Variants in TRANK1 observed in about 807,000 individuals in gnomAD.
The protein encoded by TRANK1 is tetratricopeptide repeat and ankyrin repeat containing 1, also known as TPR and ankyrin repeat-containing protein 1.
Under a neutral mutation model 266.0 loss-of-function variants are expected in TRANK1, and 198 were observed. That is an observed-to-expected ratio of 0.74 (90% CI 0.66 to 0.84). The LOEUF (loss-of-function observed/expected upper bound fraction) is 0.84. TRANK1 is among the 40% of genes least tolerant of loss of function. The pLI is 0.00. For synonymous variants in TRANK1, 1,396 were observed against 1,384.1 expected, an observed-to-expected ratio of 1.01 and a Z score of -0.19; for missense variants, 3,326 against 3,634.6, an observed-to-expected ratio of 0.92 and a Z score of 2.18.
chr3:36,850,194 T>C (rs2078968364), intron 15 of TRANK1: 5 of 985,288 alleles, frequency 5.1e-6, no homozygotes, highest in Admixed American at 6.2e-5. Context: ...CCATGACCGA[T>C]GGATGTATCA....
chr3:36,833,184 G>T lies in TRANK1; in HGVS notation c.6399C>A (p.Asp2133Glu). The T allele has an allele frequency of 6.2e-7, 1 of 1,613,856 alleles. No homozygotes were observed. Among genetic ancestry groups the T allele is most frequent in the Non-Finnish European group, 8.5e-7 (1 of 1,179,864 alleles). ...AAATTATTCTTAATATGGGCCCAGGGTCATTCTGAGCTATCTGGCAATACT... is the reference window on the plus strand; with the variant it reads ...AAATTATTCTTAATATGGGCCCAGGTTCATTCTGAGCTATCTGGCAATACT... ...DAKYCQIAQNDPGPILRIIFD... is the reference protein window; with the variant it reads ...DAKYCQIAQNEPGPILRIIFD... Residue 2133 changes from aspartate to glutamate, a missense_variant, in exon 22 of 24, where the codon GAC (aspartate) becomes GAA (glutamate). Transcript: ENST00000645898.
chr3:36,908,694 C>A lies in TRANK1; in HGVS notation c.24-240G>T. ...GGCCAGACCAATTCCATTTATTCAG[C>A]ATTAATGATCTGGAGGAGGCTGCTT... is the stretch of plus-strand genomic sequence containing the variant. On this transcript the variant is annotated intron_variant, in intron 1 of 23. Coordinates refer to ENST00000645898, the MANE Select transcript of TRANK1 (RefSeq NM_001329998.2). 2 of 929,646 alleles carry A rather than the reference C, an allele frequency of 2.2e-6. 1 individual carries two copies. The highest frequency in any genetic ancestry group is 9.9e-5 in the South Asian group (2 of 20,164). 57.6% of individuals were successfully genotyped at this position (929,646 alleles called of 1,614,324 possible).
At chr3:36,938,720 A>G (rs1237816391) in intron 1 of TRANK1, among the ~76,000 whole-genome samples, 1 of 152,002 alleles carries the variant, frequency 6.6e-6, no homozygotes, top group East Asian at 1.9e-4. Flanking sequence ...GCACTCTGGG[A>G]GGCCGAGGTG....
chr3:36,834,758 C>A lies in TRANK1; in HGVS notation c.5663+4G>T. 1 of 1,608,570 alleles carries A rather than the reference C, an allele frequency of 6.2e-7. No homozygotes were observed. The highest frequency in any genetic ancestry group is 8.5e-7 in the Non-Finnish European group (1 of 1,178,140). ...GGAGAAAGGGAGAGAATAAAACCAC[C>A]TACTTTTCCACTGCAATAGCAGCTT... On this transcript the variant is annotated splice_donor_region_variant and intron_variant, in intron 21 of 23. Coordinates refer to ENST00000645898, the MANE Select transcript of TRANK1 (RefSeq NM_001329998.2).
Position 36,945,031 on chromosome 3 carries a change from G to T in TRANK1, c.-222C>A. 1 of 471,940 alleles carries T rather than the reference G, an allele frequency of 2.1e-6. No homozygotes were observed. 29.2% of individuals were successfully genotyped at this position (471,940 alleles called of 1,614,324 possible). ...GACGCAGGAACCCCGGCGTCCGGGC[G>T]GTGTGCAGCCGCAGACCTATTCCAA... On this transcript the variant is annotated 5_prime_UTR_variant, in exon 1 of 24. Coordinates refer to ENST00000645898, the MANE Select transcript of TRANK1 (RefSeq NM_001329998.2).
intron 2 of TRANK1, among the ~76,000 whole-genome samples, chr3:36,905,673 C>CT (rs1424470871): frequency 6.6e-6 from 1 of 152,208 alleles, no homozygotes; most frequent in Non-Finnish European, 1.5e-5. Flanking sequence ...AAACCAGTGA[C>CT]TGACTGATAT....
intron 20 of TRANK1, among the ~76,000 whole-genome samples, chr3:36,836,669 C>G (rs1340055648): frequency 6.6e-6 from 1 of 152,190 alleles, no homozygotes; most frequent in Non-Finnish European, 1.5e-5. Context: ...GGTGGGCTTG[C>G]CATGAACAGA....
At chr3:36,851,462 C>A (rs2078983180) in intron 15 of TRANK1, 1 of 1,222,932 alleles carries the variant, frequency 8.2e-7, no homozygotes, top group East Asian at 3.9e-5. Flanking sequence ...TGGACACTGG[C>A]ACTTGGGTAC....
chr3:36,926,049 C>T (rs1023606615), intron 1 of TRANK1, among the ~76,000 whole-genome samples: 2 of 152,104 alleles, frequency 1.3e-5, no homozygotes, highest in Non-Finnish European at 2.9e-5. Context: ...AAGATTACTG[C>T]CCAGACAAAA....
At chr3:36,867,109 A>C (rs987690518) in intron 9 of TRANK1, among the ~76,000 whole-genome samples, 10 of 152,136 alleles carry the variant, frequency 6.6e-5, no homozygotes, top group Non-Finnish European at 1.0e-4. Context: ...GTAAAGCAAT[A>C]TCTGGCTAGC....
intron 9 of TRANK1, among the ~76,000 whole-genome samples, chr3:36,873,178 T>C (rs1028761290): frequency 7.2e-5 from 11 of 152,194 alleles, no homozygotes; most frequent in African/African-American, 2.2e-4. Context: ...TAACTTACTA[T>C]TGAAGAAATA....
intron 9 of TRANK1, among the ~76,000 whole-genome samples, chr3:36,865,185 G>C (rs976822409): frequency 1.3e-5 from 2 of 151,718 alleles, no homozygotes; most frequent in African/African-American, 4.8e-5. Context: ...TTGCCACCGC[G>C]CCTGGCTAAT....
intron 8 of TRANK1, among the ~76,000 whole-genome samples, chr3:36,884,630 A>C (rs987991516): frequency 1.3e-5 from 2 of 152,198 alleles, no homozygotes; most frequent in African/African-American, 4.8e-5. Flanking sequence ...GCTCTTCATT[A>C]CATAAGAATT....
chr3:36,832,516 T>C lies in TRANK1; in HGVS notation c.7067A>G (p.Asp2356Gly), dbSNP rs753680649. 1.2e-6 allele frequency: 2 copies of C among 1,613,982 alleles called. No homozygotes were observed. The highest frequency in any genetic ancestry group is 1.1e-5 in the South Asian group (1 of 91,080). Residue 2356 changes from aspartate (D) to glycine (G), a missense_variant, in exon 22 of 24, where the codon GAC (aspartate) becomes GGC (glycine). Transcript: ENST00000645898. Reference sequence around the variant, plus strand: ...AGCTTTGAGTTCCCTGTTGTAGTTGTCCTCCTCCTGGTGGAGCAGCTTTTC... The same window carrying C: ...AGCTTTGAGTTCCCTGTTGTAGTTGCCCTCCTCCTGGTGGAGCAGCTTTTC... ...EFEKLLHQEE[D>G]NYNRELKALE...
chr3:36,942,876 A>T (rs1454545124), intron 1 of TRANK1, among the ~76,000 whole-genome samples: 1 of 127,110 alleles, frequency 7.9e-6, no homozygotes, highest in Non-Finnish European at 1.9e-5. Flanking sequence ...ACCCGCTTTA[A>T]AAAAAAAAAA....
chr3:36,840,937 G>C (rs1190582577), intron 18 of TRANK1, among the ~76,000 whole-genome samples: 1 of 152,224 alleles, frequency 6.6e-6, no homozygotes, highest in Non-Finnish European at 1.5e-5. Flanking sequence ...GCAGCAAGAA[G>C]TAACTGATAA....
intron 4 of TRANK1, among the ~76,000 whole-genome samples, chr3:36,897,841 C>G (rs992426603): frequency 6.6e-6 from 1 of 152,196 alleles, no homozygotes; most frequent in African/African-American, 2.4e-5. Context: ...TTAGACTGCA[C>G]CATCACTGCC....
chr3:36,828,437 A>G (rs1365104734), intron 23 of TRANK1, 62 bp from the exon 24 acceptor site: 1 of 833,132 alleles, frequency 1.2e-6, no homozygotes, highest in South Asian at 1.5e-5. Flanking sequence ...AGGGAAGGAA[A>G]GAAGGAAGGA....
chr3:36,908,475 C>A (rs922256217), intron 1 of TRANK1, 21 bp from the exon 2 acceptor site: 6 of 1,232,166 alleles, frequency 4.9e-6, no homozygotes, highest in Non-Finnish European at 6.1e-6. Flanking sequence ...ACGGGGGAGA[C>A]GCTTGCTGCC....
Sources: gnomAD v4.1 joint callset for allele counts (sites outside exome capture counted in the v4.1 genomes callset) on GRCh38, gnomAD v4.1.1 for gene constraint, MANE v1.5 for transcripts, NCBI Gene and HGNC (gene_info 2026-07-23, HGNC 2026-07-21) for gene names.